SAMD3: variants seen among roughly 807,000 people sequenced by gnomAD.
SAMD3 encodes the protein sterile alpha motif domain containing 3.
SAMD3 carries 63 observed loss-of-function variants against 58.5 expected under a neutral mutation model. That is an observed-to-expected ratio of 1.08 (90% CI 0.88 to 1.33). The LOEUF is 1.33. Among genes scored for constraint, SAMD3 ranks in the 40% most tolerant of loss-of-function variants. SAMD3 has a pLI of 0.00. For missense variants in SAMD3, 604 were observed against 608.4 expected, an observed-to-expected ratio of 0.99 and a Z score of 0.08; for synonymous variants, 220 against 210.3, an observed-to-expected ratio of 1.05 and a Z score of -0.40.
At chr6:130,343,018 T>A (rs1415378452) in intron 1 of SAMD3, among the ~76,000 whole-genome samples, 1 of 151,916 alleles carries the variant, frequency 6.6e-6, no homozygotes, top group Non-Finnish European at 1.5e-5. Context: ...GTAGACAACT[T>A]TTTGGAAGTT....
At chr6:130,165,652 C>T (rs936684706) in intron 8 of SAMD3, among the ~76,000 whole-genome samples, 2 of 152,028 alleles carry the variant, frequency 1.3e-5, no homozygotes, top group Non-Finnish European at 2.9e-5. Context: ...TAAAGAATCA[C>T]TGGCTATTAT....
intron 2 of SAMD3, among the ~76,000 whole-genome samples, chr6:130,233,078 A>C (rs979386329): frequency 6.6e-6 from 1 of 152,096 alleles, no homozygotes; most frequent in East Asian, 1.9e-4. Flanking sequence ...CTGAGGGCAC[A>C]ATCTCCCATA....
At chr6:130,185,209 C>T (rs775850147) in intron 5 of SAMD3, among the ~76,000 whole-genome samples, 1 of 152,164 alleles carries the variant, frequency 6.6e-6, no homozygotes, top group Non-Finnish European at 1.5e-5. Context: ...ACTATAACTA[C>T]AGAAGGCAGA....
intron 2 of SAMD3, among the ~76,000 whole-genome samples, chr6:130,235,192 T>C (rs1195382560): frequency 6.6e-6 from 1 of 152,226 alleles, no homozygotes; most frequent in African/African-American, 2.4e-5. Flanking sequence ...TAAAGTAATA[T>C]GAAAACAGCT....
intron 2 of SAMD3, among the ~76,000 whole-genome samples, chr6:130,238,917 C>T (rs1773258142): frequency 6.6e-6 from 1 of 152,070 alleles, no homozygotes; most frequent in Non-Finnish European, 1.5e-5. Flanking sequence ...CACCACCACA[C>T]CTGGCTAATT....
intron 1 of SAMD3, among the ~76,000 whole-genome samples, chr6:130,329,030 A>ATC (rs1469725227): frequency 4.1e-5 from 6 of 144,618 alleles, no homozygotes; most frequent in Admixed American, 6.9e-5. Flanking sequence ...GTAGACCAAT[A>ATC]TCTCTCTCTC....
At chr6:130,266,461 T>A (rs1774360938) in intron 2 of SAMD3, among the ~76,000 whole-genome samples, 2 of 152,104 alleles carry the variant, frequency 1.3e-5, no homozygotes, top group Non-Finnish European at 2.9e-5. Context: ...GACAATACTG[T>A]ATAGCAAGAG....
intron 5 of SAMD3, among the ~76,000 whole-genome samples, chr6:130,193,391 C>A (rs1186382676): frequency 1.3e-5 from 2 of 152,140 alleles, no homozygotes; most frequent in Non-Finnish European, 2.9e-5. Flanking sequence ...GCACCCCAAT[C>A]CCTTATTTCC....
chr6:130,349,076 A>G (rs12192683), intron 1 of SAMD3, among the ~76,000 whole-genome samples: 19,886 of 151,704 alleles, frequency 0.13, 1,683 homozygotes, highest in East Asian at 0.36. Flanking sequence ...CACATTCAAA[A>G]CAGTGTGTAG....
chr6:130,245,268 T>C (rs561169007), intron 2 of SAMD3, among the ~76,000 whole-genome samples: 1 of 152,356 alleles, frequency 6.6e-6, no homozygotes, highest in African/African-American at 2.4e-5. Flanking sequence ...ATCAGAAATG[T>C]CTAGAAGATT....
At chr6:130,235,006 T>C (rs2114884811) in intron 2 of SAMD3, among the ~76,000 whole-genome samples, 1 of 152,186 alleles carries the variant, frequency 6.6e-6, no homozygotes, top group South Asian at 2.1e-4. Flanking sequence ...TCCCAGCAAC[T>C]CAGGAGGCTG....
At chr6:130,247,713 T>G (rs1388872870) in intron 2 of SAMD3, among the ~76,000 whole-genome samples, 2 of 152,162 alleles carry the variant, frequency 1.3e-5, no homozygotes, top group Non-Finnish European at 2.9e-5. Context: ...CTGAAATATA[T>G]CTCAGGATAA....
intron 1 of SAMD3, among the ~76,000 whole-genome samples, chr6:130,316,940 C>CA (rs779030201): frequency 7.2e-5 from 11 of 152,140 alleles, no homozygotes; most frequent in Non-Finnish European, 1.2e-4. Flanking sequence ...TTCTTGACCA[C>CA]AAAATGGCTT....
intron 9 of SAMD3, among the ~76,000 whole-genome samples, chr6:130,151,651 G>A (rs528278664): frequency 3.1e-3 from 472 of 152,234 alleles, no homozygotes; most frequent in Non-Finnish European, 4.8e-3. Context: ...ACGTTGGTCA[G>A]CCTTGTCTCG....
intron 2 of SAMD3, chr6:130,215,673 G>C: frequency 7.0e-7 from 1 of 1,422,728 alleles, no homozygotes; most frequent in Non-Finnish European, 9.2e-7. Flanking sequence ...ACCACTACCA[G>C]GCTCCTCAGG....
exon 1 of SAMD3, chr6:130,365,165 A>C: frequency 5.3e-5 from 52 of 985,138 alleles, no homozygotes; most frequent in Non-Finnish European, 6.0e-5. Flanking sequence ...TTGCCGAATT[A>C]GAGACGACAT....
At chr6:130,158,798 G>A (rs1051226348) in intron 8 of SAMD3, among the ~76,000 whole-genome samples, 1 of 152,182 alleles carries the variant, frequency 6.6e-6, no homozygotes. Flanking sequence ...GTTTTAAATA[G>A]CCTCTAGTGG....
At chr6:130,248,701 G>C (rs73607934) in intron 2 of SAMD3, among the ~76,000 whole-genome samples, 2,949 of 152,234 alleles carry the variant, frequency 0.019, 94 homozygotes, top group African/African-American at 0.067. Context: ...AGTGCTGACC[G>C]AAACCATGGG....
chr6:130,260,631 G>A (rs1211137639), intron 2 of SAMD3, among the ~76,000 whole-genome samples: 2 of 152,202 alleles, frequency 1.3e-5, no homozygotes, highest in Admixed American at 6.5e-5. Flanking sequence ...CCCTGACCGG[G>A]AAGCAAGGTG....
Sources: allele counts gnomAD v4.1 joint callset (sites outside exome capture counted in the v4.1 genomes callset), GRCh38; gene constraint gnomAD v4.1.1; transcripts MANE v1.5; gene names NCBI Gene and HGNC (gene_info 2026-07-23, HGNC 2026-07-21).